GTF2B: variants seen among roughly 807,000 people sequenced by gnomAD.
The protein encoded by GTF2B is transcription initiation factor IIB.
Under a neutral mutation model 34.6 loss-of-function variants are expected in GTF2B, and 20 were observed. That is an observed-to-expected ratio of 0.58 (90% CI 0.41 to 0.84). GTF2B has a LOEUF of 0.84. GTF2B is among the 40% of genes least tolerant of loss of function. GTF2B has a pLI of 0.00. For synonymous variants in GTF2B, 142 were observed against 132.4 expected (o/e 1.07, Z -0.50); for missense variants, 237 against 393.3 (o/e 0.60, Z 3.36).
At chr1:88,869,254 G>A (rs1233902174) in intron 2 of GTF2B, among the ~76,000 whole-genome samples, 5 of 152,122 alleles carry the variant, frequency 3.3e-5, no homozygotes, top group African/African-American at 9.7e-5. Flanking sequence ...CAAATACTAC[G>A]TCATATTGTA....
intron 2 of GTF2B, among the ~76,000 whole-genome samples, chr1:88,884,388 G>A (rs1674017835): frequency 6.6e-6 from 1 of 152,166 alleles, no homozygotes; most frequent in African/African-American, 2.4e-5. Flanking sequence ...GTCATCAAGA[G>A]CCAAGGAAAA....
Position 88,886,706 on chromosome 1 carries a change from C to A in GTF2B, c.124+555G>T, listed in dbSNP as rs537056763. ...CTAAGGACTTATGAAATTACTGGGGCCTTTTCGTTTCTTCTGGATTAGCTC... is the reference window on the plus strand; with the variant it reads ...CTAAGGACTTATGAAATTACTGGGGACTTTTCGTTTCTTCTGGATTAGCTC... On this transcript the variant is annotated intron_variant, in intron 2 of 6. Coordinates refer to ENST00000370500, the MANE Select transcript of GTF2B (RefSeq NM_001514.6). 1.2e-4 allele frequency among the ~76,000 whole-genome samples: 19 copies of A among 152,200 alleles called. No individual in the cohort carries two copies. In the South Asian group the frequency reaches 2.5e-3, roughly 20 times the overall value.
At chr1:88,882,499 A>G (rs931471332) in intron 2 of GTF2B, among the ~76,000 whole-genome samples, 2 of 152,130 alleles carry the variant, frequency 1.3e-5, no homozygotes, top group Admixed American at 1.3e-4. Context: ...AAAGGGTGAC[A>G]TAGTAAGTAT....
At chr1:88,854,823 T>C (rs1201548351) in intron 6 of GTF2B, among the ~76,000 whole-genome samples, 2 of 152,226 alleles carry the variant, frequency 1.3e-5, no homozygotes, top group Non-Finnish European at 2.9e-5. Flanking sequence ...AAATTCATTT[T>C]ACTACCTTTT....
At chr1:88,882,757 G>A (rs965849131) in intron 2 of GTF2B, among the ~76,000 whole-genome samples, 28 of 152,318 alleles carry the variant, frequency 1.8e-4, no homozygotes, top group African/African-American at 5.5e-4. Context: ...TAATCCACAA[G>A]TGTATGATTT....
intron 2 of GTF2B, among the ~76,000 whole-genome samples, chr1:88,873,233 A>G (rs1673740592): frequency 7.8e-6 from 1 of 128,220 alleles, no homozygotes; most frequent in Non-Finnish European, 1.5e-5. Context: ...TGTGTCGCCC[A>G]GGCTGGAGGG....
At chr1:88,877,040 T>C (rs1324597238) in intron 2 of GTF2B, among the ~76,000 whole-genome samples, 1 of 152,166 alleles carries the variant, frequency 6.6e-6, no homozygotes, top group Non-Finnish European at 1.5e-5. Flanking sequence ...TCCAAAAGAA[T>C]GTGGTAAATT....
rs1673405409 is a variant in GTF2B, at chr1:88,860,294, A to G, written c.259-8T>C. On this transcript the variant is annotated splice_polypyrimidine_tract_variant and splice_region_variant and intron_variant, in intron 3 of 6. Transcript: ENST00000370500. The stretch of plus-strand genomic sequence containing the variant: ...ACTTGCAGCTCCTGTGCCCTATAAA[A>G]CAGTTTTATAACTATGAAAAAATTT... 1 of 1,606,484 alleles carries G rather than the reference A, an allele frequency of 6.2e-7. No individual in the cohort carries two copies. The highest frequency in any genetic ancestry group is 8.5e-7 in the Non-Finnish European group (1 of 1,177,730).
chr1:88,874,149 C>G (rs777660146), intron 2 of GTF2B, among the ~76,000 whole-genome samples: 1 of 152,030 alleles, frequency 6.6e-6, no homozygotes, highest in Non-Finnish European at 1.5e-5. Flanking sequence ...TATTTCATAG[C>G]GCAATGTGAA....
intron 5 of GTF2B, among the ~76,000 whole-genome samples, chr1:88,859,351 G>A (rs753124252): frequency 1.3e-5 from 2 of 152,196 alleles, no homozygotes; most frequent in Admixed American, 6.5e-5. Context: ...GTGGGCTTAC[G>A]TGGACTAAAA....
chr1:88,858,153 C>A lies in GTF2B; in HGVS notation c.536-666G>T, dbSNP rs375705074. ...TAGTTGGGATTACAGGCGCCTGCCA[C>A]CACACCCGGCTAATTTTTTGTATTT... is the stretch of plus-strand genomic sequence containing the variant. On this transcript the variant is annotated intron_variant, in intron 5 of 6. Coordinates refer to ENST00000370500, the MANE Select transcript of GTF2B (RefSeq NM_001514.6). 4.0e-5 allele frequency among the ~76,000 whole-genome samples: 6 copies of A among 151,722 alleles called. No homozygotes were observed. In the East Asian group the frequency reaches 1.2e-3, roughly 29 times the overall value.
intron 2 of GTF2B, among the ~76,000 whole-genome samples, chr1:88,876,499 C>T (rs919589831): frequency 1.3e-5 from 2 of 152,116 alleles, no homozygotes; most frequent in African/African-American, 4.8e-5. Flanking sequence ...CAGGGAGATG[C>T]TGTCTCTACA....
intron 6 of GTF2B, among the ~76,000 whole-genome samples, chr1:88,854,102 C>T (rs1057249901): frequency 1.3e-5 from 2 of 152,128 alleles, no homozygotes; most frequent in Non-Finnish European, 2.9e-5. Context: ...CACAAAAGTA[C>T]TCCACAAATA....
intron 2 of GTF2B, among the ~76,000 whole-genome samples, chr1:88,874,354 C>T (rs1461743976): frequency 6.6e-6 from 1 of 151,598 alleles, no homozygotes; most frequent in Admixed American, 6.6e-5. Context: ...TGATCTGTCA[C>T]CCAGGCTAGA....
chr1:88,881,689 T>C (rs1283900061), intron 2 of GTF2B, among the ~76,000 whole-genome samples: 4 of 152,232 alleles, frequency 2.6e-5, no homozygotes, highest in Admixed American at 2.6e-4. Flanking sequence ...GTGTTGGTTA[T>C]ATTTTATGTT....
rs34668666 is a variant in GTF2B, at chr1:88,872,455, TAAAAAAAAAAA to T, written c.125-8352_125-8342del. Among the ~76,000 whole-genome samples, 12 of 74,864 alleles carry T rather than the reference TAAAAAAAAAAA, an allele frequency of 1.6e-4. No homozygotes were observed. The East Asian group carries it at 5.0e-3, about 31-fold the overall frequency. The allele number at this position is 74,864 out of a possible 152,430, so 49.1% of individuals were successfully genotyped here. On this transcript the variant is annotated intron_variant, in intron 2 of 6. Transcript: ENST00000370500. ...CAACAAGAGTGAAACTCCATCTCAATAAAAAAAAAAAAAAAAAAAAAAAAAAAGAAAGTAAC... is the reference window on the plus strand; with the variant it reads ...CAACAAGAGTGAAACTCCATCTCAATAAAAAAAAAAAAAAAAGAAAGTAAC...
chr1:88,859,535 G>A lies in GTF2B; in HGVS notation c.535+347C>T, dbSNP rs898134413. The stretch of plus-strand genomic sequence containing the variant: ...CATTGGTCTGTTTCTTTAATATGAT[G>A]TAGAAAATGTTATTTTAGGATGGGC... On this transcript the variant is annotated intron_variant, in intron 5 of 6. Coordinates refer to ENST00000370500, the MANE Select transcript of GTF2B (RefSeq NM_001514.6). 2.0e-5 allele frequency among the ~76,000 whole-genome samples: 3 copies of A among 152,168 alleles called. 1 individual carries two copies. Among genetic ancestry groups the A allele is most frequent in the East Asian group, 1.9e-4 (1 of 5,182 alleles).
At position 88,863,996 on chromosome 1, in the gene GTF2B, A is replaced by G. The variant is rs758466811; in HGVS notation, c.243T>C (p.Ser81=). ...QNPLLSDGDL[S]TMIGKGTGAA... Reference sequence around the variant, plus strand: ...GACTTATTACCTTGCCAATCATGGTAGACAAATCTCCATCACTCAGAAGAG... The same window carrying G: ...GACTTATTACCTTGCCAATCATGGTGGACAAATCTCCATCACTCAGAAGAG... Residue 81 remains serine, a synonymous_variant, in exon 3 of 7, where the codon TCT becomes TCC. Transcript: ENST00000370500. 4.3e-6 allele frequency: 7 copies of G among 1,613,864 alleles called. No individual in the cohort carries two copies. The South Asian group carries it at 7.7e-5, about 18-fold the overall frequency.
At chr1:88,869,839 C>G (rs928199350) in intron 2 of GTF2B, among the ~76,000 whole-genome samples, 9 of 151,790 alleles carry the variant, frequency 5.9e-5, no homozygotes, top group Non-Finnish European at 1.3e-4. Flanking sequence ...TTGCCAGGCT[C>G]ATGTCGAATT....
Sources: allele counts gnomAD v4.1 joint callset (sites outside exome capture counted in the v4.1 genomes callset), GRCh38; gene constraint gnomAD v4.1.1; transcripts MANE v1.5; gene names NCBI Gene and HGNC (gene_info 2026-07-23, HGNC 2026-07-21).